MAX: variants seen among roughly 807,000 people sequenced by gnomAD.
MAX encodes MYC associated transcriptional regulator X, also known as protein max.
A neutral mutation model predicts 22.3 loss-of-function variants in MAX; 3 were observed. That is an observed-to-expected ratio of 0.13 (90% CI 0.06 to 0.35). The LOEUF is 0.35. Among genes scored for constraint, MAX ranks in the 10% least tolerant of loss-of-function variants. The pLI, the probability that MAX is intolerant of heterozygous loss-of-function variation, is 1.00. For missense variants in MAX, 119 were observed against 209.4 expected (o/e 0.57, Z 2.66); for synonymous variants, 72 against 77.7 (o/e 0.93, Z 0.39).
rs1464791427 is a variant in MAX at position 65,079,248 on chromosome 14, T to G, written c.172-1212A>C. Among the ~76,000 whole-genome samples, 2 of 152,226 alleles carry G rather than the reference T, an allele frequency of 1.3e-5. No individual in the cohort carries two copies. Among genetic ancestry groups the G allele is most frequent in the African/African-American group, 4.8e-5 (2 of 41,470 alleles). ...ATGCTGCTGTGTCACTACTTCAGCC[T>G]TCCTGGCTAAAGAGACTTTCATAAA... On this transcript the variant is annotated intron_variant, in intron 3 of 4. Coordinates refer to ENST00000358664, the MANE Select transcript of MAX (RefSeq NM_002382.5). The surrounding 1 kb of genome is among the most constrained non-coding windows in gnomAD (Gnocchi z 4.5).
chr14:65,076,376 AAG>A lies in MAX; in HGVS notation c.*98_*99del, dbSNP rs1006315440. On this transcript the variant is annotated 3_prime_UTR_variant, in exon 5 of 5. Transcript: ENST00000358664. This position sits in a 1 kb window ranked among gnomAD's most constrained non-coding sequence, Gnocchi z 6.6. ...AAAAAAAGGGAGAAAGAGAAAAATAAAGAGTCTCTTAAATGGTTCTGAGGGCT... is the reference window on the plus strand; with the variant it reads ...AAAAAAAGGGAGAAAGAGAAAAATAAAGTCTCTTAAATGGTTCTGAGGGCT... The A allele has an allele frequency of 5.1e-6, 8 of 1,573,626 alleles. No individual in the cohort carries two copies. Among genetic ancestry groups the A allele is most frequent in the Middle Eastern group, 2.3e-4 (1 of 4,264 alleles).
chr14:65,093,459 T>C lies in MAX; in HGVS notation c.171+249A>G. 1 of 511,012 alleles carries C rather than the reference T, an allele frequency of 2.0e-6. No homozygotes were observed. Among genetic ancestry groups the C allele is most frequent in the South Asian group, 2.1e-5 (1 of 47,690 alleles). The allele number at this position is 511,012 out of a possible 1,614,324, so 31.7% of individuals were successfully genotyped here. A position where few individuals can be genotyped will look rare whatever the true frequency, so the allele number is the denominator to read the frequency against. On this transcript the variant is annotated intron_variant, in intron 3 of 4. Transcript: ENST00000358664. The surrounding 1 kb of genome is among the most constrained non-coding windows in gnomAD (Gnocchi z 4.4). Reference sequence around the variant, plus strand: ...AATTTCTTGAATTTATTACAAATAATACAAATTTTAAAAGATAACTCCTAC... The same window carrying C: ...AATTTCTTGAATTTATTACAAATAACACAAATTTTAAAAGATAACTCCTAC...
chr14:65,086,573 G>C (rs1192513586), intron 3 of MAX, among the ~76,000 whole-genome samples: 6 of 152,218 alleles, frequency 3.9e-5, no homozygotes, highest in African/African-American at 1.4e-4. Flanking sequence ...CCCTACGCTA[G>C]AGATAAGTGG....
intron 2 of MAX, among the ~76,000 whole-genome samples, chr14:65,097,215 T>G (rs577101536): frequency 2.0e-4 from 30 of 152,258 alleles, no homozygotes; most frequent in Admixed American, 5.2e-4. Context: ...TCTTAAGTGT[T>G]GTTAGATGTT....
intron 3 of MAX, among the ~76,000 whole-genome samples, chr14:65,059,518 A>G (rs1369931565): frequency 1.3e-5 from 2 of 151,892 alleles, no homozygotes; most frequent in Admixed American, 1.3e-4. Context: ...CCTTAAGTCA[A>G]TTTTGGCAGT....
intron 3 of MAX, among the ~76,000 whole-genome samples, chr14:65,055,809 G>A (rs769299438): frequency 1.3e-5 from 2 of 152,162 alleles, no homozygotes; most frequent in African/African-American, 4.8e-5. Flanking sequence ...GAGCCACCAC[G>A]CCTGGCCCCA....
At position 65,101,553 on chromosome 14, in the gene MAX, T is replaced by A. The variant is rs200547781; in HGVS notation, c.56A>T (p.Gln19Leu). 48 of 1,610,270 alleles carry A rather than the reference T, an allele frequency of 3.0e-5. No individual in the cohort carries two copies. The highest frequency in any genetic ancestry group is 2.5e-6 in the Non-Finnish European group (3 of 1,177,404). Residue 19 changes from glutamine (Q) to leucine (L), a missense_variant, in exon 2 of 5, where the codon CAA becomes CTA. This residue lies in a region of MAX where 24 missense variants were observed against 42.7 expected (regional missense o/e 0.56). Transcript: ENST00000358664. ...VESDEEQPRF[Q>L]SAADKRAHHN... ...GGAGAGTAGGAGACGTACCGCAGAT[T>A]GAAACCTCGGTTGCTCTTCCTGGAA...
chr14:65,013,318 T>C (rs973489045), intron 3 of MAX, among the ~76,000 whole-genome samples: 3 of 115,412 alleles, frequency 2.6e-5, no homozygotes, highest in African/African-American at 1.1e-4. Context: ...CAAATCATCT[T>C]TGTTTCCTTT....
rs575837410 is a variant in MAX at position 65,023,120 on chromosome 14, C to T, written c.172-16836G>A. On this transcript the variant is annotated intron_variant, in intron 3 of 3. Transcript: ENST00000341653. This position sits in a 1 kb window ranked among gnomAD's most constrained non-coding sequence, Gnocchi z 4.1. Reference sequence around the variant, plus strand: ...TTGTCTGGGCTGGAATGCAGTGGCACAATCACAGCTCACTGCAACCTGGAC... The same window carrying T: ...TTGTCTGGGCTGGAATGCAGTGGCATAATCACAGCTCACTGCAACCTGGAC... 2.6e-5 allele frequency among the ~76,000 whole-genome samples: 4 copies of T among 152,330 alleles called. 1 individual carries two copies. Among genetic ancestry groups the T allele is most frequent in the Admixed American group, 2.6e-4 (4 of 15,298 alleles).
rs375907071 is a variant in MAX at position 65,017,077 on chromosome 14, C to T, written c.172-10793G>A. On this transcript the variant is annotated intron_variant, in intron 3 of 3. Transcript: ENST00000341653. ...AGCTGGGATTACAGGCACCCACCAC[C>T]GTGCCTGGCTAATTTTTGTATTTTT... Among the ~76,000 whole-genome samples, 329 of 152,056 alleles carry T rather than the reference C, an allele frequency of 2.2e-3. 2 individuals are homozygous for T. The highest frequency in any genetic ancestry group is 3.1e-3 in the Non-Finnish European group (208 of 67,994).
intron 3 of MAX, among the ~76,000 whole-genome samples, chr14:65,048,932 C>T (rs1476501431): frequency 6.6e-6 from 1 of 152,112 alleles, no homozygotes; most frequent in African/African-American, 2.4e-5. Context: ...CAAGACCAGC[C>T]TGGCCAACAT....
At chr14:65,034,311 C>A (rs144028273) in intron 3 of MAX, among the ~76,000 whole-genome samples, 1 of 152,172 alleles carries the variant, frequency 6.6e-6, no homozygotes, top group South Asian at 2.1e-4. Context: ...CGTTGAAGTC[C>A]CTGTCCTCCT....
At chr14:65,049,125 TAAAA>T (rs59771962) in intron 3 of MAX, among the ~76,000 whole-genome samples, 6 of 139,722 alleles carry the variant, frequency 4.3e-5, no homozygotes, top group East Asian at 2.1e-4. Context: ...GGACTCCGTC[TAAAA>T]AAAAAAAAAA....
intron 2 of MAX, among the ~76,000 whole-genome samples, chr14:65,101,093 A>G (rs907806192): frequency 2.6e-5 from 4 of 152,252 alleles, no homozygotes; most frequent in African/African-American, 4.8e-5. Context: ...CTACGGGTCT[A>G]TAGCAGTCAC....
At position 65,075,554 on chromosome 14, in the gene MAX, T is replaced by C. The variant is rs2063035848; in HGVS notation, c.*922A>G. 9.4e-7 allele frequency: 1 copy of C among 1,065,802 alleles called. No individual in the cohort carries two copies. The highest frequency in any genetic ancestry group is 1.6e-5 in the African/African-American group (1 of 61,080). The allele number at this position is 1,065,802 out of a possible 1,614,324, so 66.0% of individuals were successfully genotyped here. ...CACACGGGAAGAAAGAAAGATTTCA[T>C]CATTACTTTATGAATCTGTCGCTTT... On this transcript the variant is annotated 3_prime_UTR_variant, in exon 5 of 5. Transcript: ENST00000358664. The surrounding 1 kb of genome is among the most constrained non-coding windows in gnomAD (Gnocchi z 4.1).
rs1370396459 is a variant in MAX at position 65,029,012 on chromosome 14, A to G, written c.172-22728T>C. Reference sequence around the variant, plus strand: ...TATTTGCTATCTTATTCATTCCAGCACTTTTTTTTTCCCTATGCTCTTTAT... The same window carrying G: ...TATTTGCTATCTTATTCATTCCAGCGCTTTTTTTTTCCCTATGCTCTTTAT... On this transcript the variant is annotated intron_variant, in intron 3 of 3. Coordinates refer to the MAX transcript ENST00000341653. This position sits in a 1 kb window ranked among gnomAD's most constrained non-coding sequence, Gnocchi z 4.7. Among the ~76,000 whole-genome samples the G allele has an allele frequency of 6.6e-6, 1 of 151,964 alleles. No individual in the cohort carries two copies. Among genetic ancestry groups the G allele is most frequent in the Admixed American group, 6.6e-5 (1 of 15,254 alleles).
At chr14:65,099,531 C>CAAAA (rs113130979) in intron 2 of MAX, among the ~76,000 whole-genome samples, 3 of 143,586 alleles carry the variant, frequency 2.1e-5, no homozygotes, top group Admixed American at 6.8e-5. Flanking sequence ...AAAATTTCAC[C>CAAAA]AAAAAAACAA....
chr14:65,091,240 C>G (rs1381671659), intron 3 of MAX, among the ~76,000 whole-genome samples: 1 of 152,184 alleles, frequency 6.6e-6, no homozygotes, highest in East Asian at 1.9e-4. Context: ...TTAGTGAGAA[C>G]TGATAAGTCT....
intron 3 of MAX, among the ~76,000 whole-genome samples, chr14:65,064,124 A>G (rs1228823380): frequency 6.6e-6 from 1 of 152,138 alleles, no homozygotes; most frequent in Non-Finnish European, 1.5e-5. Flanking sequence ...CCAGTAAACA[A>G]TAGTTCCACA....
Sources: allele counts gnomAD v4.1 joint callset (sites outside exome capture counted in the v4.1 genomes callset), GRCh38; gene constraint gnomAD v4.1.1; regional missense constraint gnomAD v4.1.1; non-coding constraint Gnocchi (gnomAD v3.1); transcripts MANE v1.5; gene names NCBI Gene and HGNC (gene_info 2026-07-23, HGNC 2026-07-21).